LRPPRC: variants seen among roughly 807,000 people sequenced by gnomAD.
LRPPRC encodes leucine rich pentatricopeptide repeat containing.
Under a neutral mutation model 180.3 loss-of-function variants are expected in LRPPRC, and 120 were observed. The observed-to-expected ratio is 0.67, with a 90% CI of 0.57 to 0.77. The LOEUF is 0.77. LRPPRC is among the 30% of genes least tolerant of loss of function. The pLI is 0.00. For synonymous variants in LRPPRC, 723 were observed against 600.0 expected (o/e 1.21, Z -3.00); for missense variants, 2,012 against 1,657.2 (o/e 1.21, Z -3.72).
At chr2:43,901,819 G>A in intron 31 of LRPPRC, 1 of 338,908 alleles carries the variant, frequency 3.0e-6, no homozygotes. Flanking sequence ...GACTAAAGTT[G>A]GTAAGTTCAA....
intron 35 of LRPPRC, 172 bp downstream of exon 35, chr2:43,896,462 C>T: frequency 1.7e-6 from 1 of 574,962 alleles, no homozygotes; most frequent in South Asian, 2.0e-5. Flanking sequence ...TTTACATTTC[C>T]AGTACAGCTA....
chr2:43,923,121 T>C (rs554543398), intron 27 of LRPPRC, among the ~76,000 whole-genome samples: 6 of 148,948 alleles, frequency 4.0e-5, no homozygotes, highest in Non-Finnish European at 8.9e-5. Context: ...AGAGACCATA[T>C]ATCCCTAATG....
In LRPPRC at chr2:43,973,820, A is replaced by G. The variant is rs764634151; in HGVS notation, c.1236T>C (p.His412=). 6.8e-6 allele frequency: 11 copies of G among 1,613,742 alleles called. No individual in the cohort carries two copies. The highest frequency in any genetic ancestry group is 2.7e-5 in the African/African-American group (2 of 74,926). Residue 412 remains histidine (H), a synonymous_variant, in exon 10 of 38, where the codon CAT becomes CAC. Coordinates refer to ENST00000260665, the MANE Select transcript of LRPPRC (RefSeq NM_133259.4). ...MHSFPLQFTL[H]CALLANKTDL... ...CAGTTTTATTGGCGAGTAAAGCACAATGGAGGGTGAACTGCAGAGGAAAGG... is the reference window on the plus strand; with the variant it reads ...CAGTTTTATTGGCGAGTAAAGCACAGTGGAGGGTGAACTGCAGAGGAAAGG...
intron 31 of LRPPRC, chr2:43,904,361 T>C (rs1300610094): frequency 6.6e-6 from 1 of 152,096 alleles, no homozygotes; most frequent in African/African-American, 2.4e-5. Context: ...AGCTGCACAA[T>C]TAAACAACAA....
At position 43,945,403 on chromosome 2, in the gene LRPPRC, G is replaced by T. The variant is rs1672644582; in HGVS notation, c.2225C>A (p.Ser742Ter). ...NLKEEFDRLD[S>*]SAVLDTGKYV... ...CTTGCCGGTGTCAAGGACAGCAGATGAATCTAAGCGGTCACTAAAAATTAA... is the reference window on the plus strand; with the variant it reads ...CTTGCCGGTGTCAAGGACAGCAGATTAATCTAAGCGGTCACTAAAAATTAA... The change falls in exon 22 of 38, where the codon TCA (serine) becomes TAA (stop). Residue 742 changes from serine to a stop codon, truncating the protein, a stop_gained. Coordinates refer to ENST00000260665, the MANE Select transcript of LRPPRC (RefSeq NM_133259.4). LOFTEE classifies it high-confidence loss of function. 4 of 1,609,164 alleles carry T rather than the reference G, an allele frequency of 2.5e-6. No homozygotes were observed. The highest frequency in any genetic ancestry group is 3.4e-6 in the Non-Finnish European group (4 of 1,175,730).
At chr2:43,981,045 G>A (rs762011430) in intron 2 of LRPPRC, among the ~76,000 whole-genome samples, 1 of 152,016 alleles carries the variant, frequency 6.6e-6, no homozygotes, top group Non-Finnish European at 1.5e-5. Flanking sequence ...TGAAACCCAC[G>A]AATAGGCTTT....
intron 30 of LRPPRC, among the ~76,000 whole-genome samples, chr2:43,911,406 T>C (rs1671250779): frequency 6.6e-6 from 1 of 152,074 alleles, no homozygotes; most frequent in Non-Finnish European, 1.5e-5. Context: ...CAGGTTTTCT[T>C]GTGATGTGAA....
chr2:43,925,773 A>T, intron 26 of LRPPRC, 120 bp downstream of exon 26: 2 of 769,182 alleles, frequency 2.6e-6, no homozygotes, highest in Middle Eastern at 2.3e-4. Context: ...AATGATCGAG[A>T]TAAACACTGC....
rs1558884606 is a variant in LRPPRC at position 43,889,769 on chromosome 2, A to C, written c.4093T>G (p.Tyr1365Asp). The C allele has an allele frequency of 5.6e-6, 9 of 1,613,316 alleles. No homozygotes were observed. Among genetic ancestry groups the C allele is most frequent in the Non-Finnish European group, 7.6e-6 (9 of 1,179,214 alleles). ...ATGAAAGGGACAGGCTCTCCAGCATACTTCAGCAAAGATGCGTAACGCTTT... is the reference window on the plus strand; with the variant it reads ...ATGAAAGGGACAGGCTCTCCAGCATCCTTCAGCAAAGATGCGTAACGCTTT... ...FLKRYASLLK[Y>D]AGEPVPFIEP... Residue 1365 changes from tyrosine (Y) to aspartate (D), a missense_variant, in exon 37 of 38, where the codon TAT (tyrosine) becomes GAT (aspartate). Tyr to Asp is a radical substitution (Grantham distance 160). Transcript: ENST00000260665.
At position 43,963,624 on chromosome 2, in the gene LRPPRC, G is replaced by C; in HGVS notation, c.1452C>G (p.Cys484Trp). 7 of 1,611,444 alleles carry C rather than the reference G, an allele frequency of 4.3e-6. No homozygotes were observed. The highest frequency in any genetic ancestry group is 5.9e-6 in the Non-Finnish European group (7 of 1,177,734). The part of the protein sequence containing the change: ...QETYTDYVIP[C>W]FDSVNSARAI... Reference sequence around the variant, plus strand: ...CTCGTGCTGAGTTTACACTATCAAAGCATGGAATCACATAATCTGTATATG... The same window carrying C: ...CTCGTGCTGAGTTTACACTATCAAACCATGGAATCACATAATCTGTATATG... The change falls in exon 12 of 38, where the codon TGC becomes TGG. Residue 484 changes from cysteine (C) to tryptophan (W), a missense_variant. By Grantham distance (215) the Cys-to-Trp change is radical. Coordinates refer to ENST00000260665, the MANE Select transcript of LRPPRC (RefSeq NM_133259.4).
At position 43,963,479 on chromosome 2, in the gene LRPPRC, T is replaced by G. The variant is rs913775385; in HGVS notation, c.1488+109A>C. On this transcript the variant is annotated intron_variant, in intron 12 of 37. Transcript: ENST00000260665. ...AAAAAAAGAAAATTGTATACAGATT[T>G]GACCATTTTGAGTCCTCAGTTCAAT... 10 of 787,504 alleles carry G rather than the reference T, an allele frequency of 1.3e-5. No homozygotes were observed. The African/African-American group carries it at 1.4e-4, about 11-fold the overall frequency. 48.8% of individuals were successfully genotyped at this position (787,504 alleles called of 1,614,324 possible). A position where few individuals can be genotyped will look rare whatever the true frequency, so the allele number is the denominator to read the frequency against.
At chr2:43,981,594 T>A (rs540834828) in intron 2 of LRPPRC, among the ~76,000 whole-genome samples, 23 of 151,132 alleles carry the variant, frequency 1.5e-4, no homozygotes, top group African/African-American at 5.3e-4. Context: ...GAGGCAGAGG[T>A]TGCAGTGAGC....
chr2:43,897,804 A>G (rs1014376201), intron 34 of LRPPRC, among the ~76,000 whole-genome samples: 1 of 152,192 alleles, frequency 6.6e-6, no homozygotes, highest in African/African-American at 2.4e-5. Context: ...AACCTTGATT[A>G]TGGCAGAGAA....
chr2:43,948,187 G>T lies in LRPPRC; in HGVS notation c.1855C>A (p.Pro619Thr). ...CGAATGCCTCTGTAGATATTTTCAGGAATTTTTACATTCTGTGAGAAGGGA... is the reference window on the plus strand; with the variant it reads ...CGAATGCCTCTGTAGATATTTTCAGTAATTTTTACATTCTGTGAGAAGGGA... The part of the protein sequence containing the change: ...HQLEKMNVKI[P>T]ENIYRGIRNL... The change falls in exon 18 of 38, where the codon CCT (proline) becomes ACT (threonine). Residue 619 changes from proline (P) to threonine (T), a missense_variant. Coordinates refer to ENST00000260665, the MANE Select transcript of LRPPRC (RefSeq NM_133259.4). The T allele has an allele frequency of 6.3e-7, 1 of 1,597,386 alleles. No homozygotes were observed. The highest frequency in any genetic ancestry group is 8.6e-7 in the Non-Finnish European group (1 of 1,164,904).
intron 1 of LRPPRC, 150 bp from the exon 2 acceptor site, chr2:43,982,584 A>C (rs1252658212): frequency 1.6e-6 from 1 of 643,662 alleles, no homozygotes; most frequent in Middle Eastern, 4.2e-4. Flanking sequence ...ATGGGAAAGA[A>C]AGTTTTAGCT....
At chr2:43,948,253 G>C in intron 17 of LRPPRC, 54 bp from the exon 18 acceptor site, 1 of 1,033,540 alleles carries the variant, frequency 9.7e-7, no homozygotes, top group South Asian at 1.3e-5. Context: ...CAACCAAACT[G>C]AAATTTGTCT....
At chr2:43,974,994 A>C in intron 7 of LRPPRC, 97 bp downstream of exon 7, 1 of 1,288,648 alleles carries the variant, frequency 7.8e-7, no homozygotes, top group Non-Finnish European at 1.1e-6. Flanking sequence ...AACATCTTTG[A>C]AAACAGGTAT....
rs1671497757 is a variant in LRPPRC, at chr2:43,917,048, T to C, written c.3148+977A>G. On this transcript the variant is annotated intron_variant, in intron 29 of 37. Transcript: ENST00000260665. Reference sequence around the variant, plus strand: ...TAACATCTTACTAGATTTGCTTTTTTTTTTTTTTTTTGAGACGGAGTCTTA... The same window carrying C: ...TAACATCTTACTAGATTTGCTTTTTCTTTTTTTTTTTGAGACGGAGTCTTA... Among the ~76,000 whole-genome samples the C allele has an allele frequency of 2.0e-5, 3 of 148,856 alleles. No individual in the cohort carries two copies. The South Asian group carries it at 6.4e-4, about 32-fold the overall frequency.
chr2:43,917,256 G>T, intron 29 of LRPPRC, among the ~76,000 whole-genome samples: 1 of 151,666 alleles, frequency 6.6e-6, no homozygotes, highest in East Asian at 2.0e-4. Context: ...GGCCAGGATG[G>T]TCTCCATCTC....
Sources: allele counts gnomAD v4.1 joint callset (sites outside exome capture counted in the v4.1 genomes callset), GRCh38; gene constraint gnomAD v4.1.1; transcripts MANE v1.5; gene names NCBI Gene and HGNC (gene_info 2026-07-23, HGNC 2026-07-21).